PPP3R1: variants seen among roughly 807,000 people sequenced by gnomAD.
PPP3R1 encodes protein phosphatase 3 regulatory subunit B, alpha, also known as calcineurin subunit B type 1.
A neutral mutation model predicts 22.6 loss-of-function variants in PPP3R1; 5 were observed. The observed-to-expected ratio is 0.22, with a 90% CI of 0.12 to 0.46. The LOEUF (loss-of-function observed/expected upper bound fraction) is 0.46, where lower values mean the gene tolerates loss of function less well. Among genes scored for constraint, PPP3R1 ranks in the 20% least tolerant of loss-of-function variants. The pLI, the probability that PPP3R1 is intolerant of heterozygous loss-of-function variation, is 0.99. For synonymous variants in PPP3R1, 56 were observed against 65.2 expected (o/e 0.86, Z 0.68); for missense variants, 61 against 203.2 (o/e 0.30, Z 4.25).
intron 2 of PPP3R1, among the ~76,000 whole-genome samples, chr2:68,211,291 C>A (rs915785956): frequency 6.6e-6 from 1 of 150,746 alleles, no homozygotes; most frequent in Non-Finnish European, 1.5e-5. Flanking sequence ...CCTGTAGTCC[C>A]AGCTACTCAG....
In PPP3R1 at chr2:68,179,444, C is replaced by T. The variant is rs958174700; in HGVS notation, c.*1519G>A. On this transcript the variant is annotated 3_prime_UTR_variant, in exon 6 of 6. Coordinates refer to ENST00000234310, the MANE Select transcript of PPP3R1 (RefSeq NM_000945.4). ...GGGATTTTTCTCTCACAGACAGAGC[C>T]CATGATGTGCAGCACTCAGTTGAAG... is the stretch of plus-strand genomic sequence containing the variant. 3.3e-5 allele frequency: 5 copies of T among 152,492 alleles called. No homozygotes were observed. Among genetic ancestry groups the T allele is most frequent in the Non-Finnish European group, 1.5e-5 (1 of 68,036 alleles). The allele number at this position is 152,492 out of a possible 1,614,324, so 9.4% of individuals were successfully genotyped here.
rs546621775 is a variant in PPP3R1, at chr2:68,210,127, CT to C, written c.43+6964del. ...ACAGGGGCTGAAGAGGCTATGTCTG[CT>C]TGCAAGGAAGGTTCAGAATGGTTGT... On this transcript the variant is annotated intron_variant, in intron 2 of 5. Transcript: ENST00000234310. Among the ~76,000 whole-genome samples, 126 of 152,286 alleles carry C rather than the reference CT, an allele frequency of 8.3e-4. 1 individual carries two copies. Among genetic ancestry groups the C allele is most frequent in the African/African-American group, 2.9e-3 (121 of 41,566 alleles).
intron 2 of PPP3R1, among the ~76,000 whole-genome samples, chr2:68,197,017 G>A (rs998165534): frequency 8.5e-5 from 13 of 152,130 alleles, no homozygotes; most frequent in African/African-American, 2.9e-4. Flanking sequence ...GAGGCACAAC[G>A]CCTGGCCTAA....
chr2:68,238,136 G>C (rs930779671), intron 1 of PPP3R1, among the ~76,000 whole-genome samples: 1 of 151,980 alleles, frequency 6.6e-6, no homozygotes, highest in Non-Finnish European at 1.5e-5. Context: ...CCTAGTCCTA[G>C]ATGACTAATA....
chr2:68,205,108 G>T (rs1186322337), intron 2 of PPP3R1, among the ~76,000 whole-genome samples: 1 of 151,934 alleles, frequency 6.6e-6, no homozygotes, highest in Non-Finnish European at 1.5e-5. Context: ...TTTGAAAAAA[G>T]AGTATAATGA....
intron 2 of PPP3R1, among the ~76,000 whole-genome samples, chr2:68,216,308 T>C (rs1027810695): frequency 6.6e-6 from 1 of 152,118 alleles, no homozygotes; most frequent in Non-Finnish European, 1.5e-5. Flanking sequence ...AAGACCTTTT[T>C]CAAACTTAAA....
At chr2:68,235,551 T>TA (rs1435792168) in intron 1 of PPP3R1, among the ~76,000 whole-genome samples, 7 of 152,348 alleles carry the variant, frequency 4.6e-5, no homozygotes, top group Admixed American at 2.0e-4. Context: ...CACTTCTTTT[T>TA]ACTAATGAAC....
At chr2:68,214,475 AACAG>A (rs1194909549) in intron 2 of PPP3R1, among the ~76,000 whole-genome samples, 2 of 152,234 alleles carry the variant, frequency 1.3e-5, no homozygotes, top group Non-Finnish European at 2.9e-5. Context: ...AAAGGACACG[AACAG>A]ACACTTTTCA....
At chr2:68,200,051 A>G (rs997781509) in intron 2 of PPP3R1, among the ~76,000 whole-genome samples, 6 of 152,296 alleles carry the variant, frequency 3.9e-5, no homozygotes, top group African/African-American at 1.4e-4. Flanking sequence ...TTCTTTGTAG[A>G]AAGATTTTGA....
intron 1 of PPP3R1, among the ~76,000 whole-genome samples, chr2:68,226,753 C>T (rs1490898935): frequency 1.3e-5 from 2 of 152,070 alleles, no homozygotes; most frequent in South Asian, 2.1e-4. Context: ...TGATTAGGTG[C>T]ATGGTAAAAG....
intron 1 of PPP3R1, among the ~76,000 whole-genome samples, chr2:68,248,161 G>C (rs956204187): frequency 1.3e-5 from 2 of 152,116 alleles, no homozygotes; most frequent in Non-Finnish European, 2.9e-5. Flanking sequence ...ATGCTTCCAT[G>C]ACTTCGAACA....
At chr2:68,229,948 ATGTG>A (rs1044463374) in intron 1 of PPP3R1, among the ~76,000 whole-genome samples, 44 of 144,776 alleles carry the variant, frequency 3.0e-4, no homozygotes, top group South Asian at 4.4e-4. Context: ...GTGTGTATAT[ATGTG>A]TGTGTGTATA....
intron 2 of PPP3R1, among the ~76,000 whole-genome samples, chr2:68,207,301 T>C (rs114205627): frequency 1.2e-3 from 184 of 150,590 alleles, no homozygotes; most frequent in African/African-American, 4.0e-3. Flanking sequence ...ATAATTTAGA[T>C]AGATTCACAG....
At chr2:68,195,515 G>A (rs1305498001) in intron 2 of PPP3R1, among the ~76,000 whole-genome samples, 3 of 152,130 alleles carry the variant, frequency 2.0e-5, no homozygotes, top group Admixed American at 6.6e-5. Context: ...TATCCTGGGA[G>A]GAGAGGGGGT....
chr2:68,185,234 A>C (rs537222211), intron 5 of PPP3R1, among the ~76,000 whole-genome samples: 15 of 149,626 alleles, frequency 1.0e-4, no homozygotes, highest in African/African-American at 2.7e-4. Context: ...AAAAAAAAAG[A>C]AAGCTTAAAA....
At chr2:68,248,089 C>T (rs1670270271) in intron 1 of PPP3R1, among the ~76,000 whole-genome samples, 1 of 152,146 alleles carries the variant, frequency 6.6e-6, no homozygotes, top group South Asian at 2.1e-4. Context: ...CCAGACACTA[C>T]CCCCTTCCTC....
At chr2:68,215,000 C>T (rs1207525534) in intron 2 of PPP3R1, among the ~76,000 whole-genome samples, 4 of 152,022 alleles carry the variant, frequency 2.6e-5, no homozygotes, top group South Asian at 2.1e-4. Flanking sequence ...CGGATGCAGC[C>T]GGAAACCATT....
chr2:68,191,971 A>C (rs1674676901), intron 2 of PPP3R1, among the ~76,000 whole-genome samples: 1 of 152,208 alleles, frequency 6.6e-6, no homozygotes, highest in African/African-American at 2.4e-5. Context: ...ACCTCAGGGC[A>C]GAGTCCATGA....
intron 1 of PPP3R1, among the ~76,000 whole-genome samples, chr2:68,250,031 T>C (rs1444910687): frequency 6.6e-6 from 1 of 152,166 alleles, no homozygotes. Flanking sequence ...AGTTGAGTTA[T>C]GGGTATGGTC....
Sources: gnomAD v4.1 joint callset for allele counts (sites outside exome capture counted in the v4.1 genomes callset) on GRCh38, gnomAD v4.1.1 for gene constraint, MANE v1.5 for transcripts, NCBI Gene and HGNC (gene_info 2026-07-23, HGNC 2026-07-21) for gene names.